CELF5: variants seen among roughly 807,000 people sequenced by gnomAD.
CELF5 encodes CUGBP Elav-like family member 5, also known as CUG-BP and ETR-3 like factor 5.
Under a neutral mutation model 54.9 loss-of-function variants are expected in CELF5, and 6 were observed. The observed-to-expected ratio is 0.11, with a 90% CI of 0.06 to 0.22. The LOEUF (loss-of-function observed/expected upper bound fraction) is 0.22, where lower values mean the gene tolerates loss of function less well. Ranked by LOEUF, CELF5 falls within the 10% of genes least tolerant of loss-of-function variation. The probability of loss-of-function intolerance (pLI) is 1.00; values close to 1 mark genes in which losing one functional copy is unlikely to be tolerated. For missense variants in CELF5, 401 were observed against 678.6 expected (o/e 0.59, Z 4.54); for synonymous variants, 271 against 290.9 (o/e 0.93, Z 0.70).
Position 3,275,152 on chromosome 19 carries a change from C to T in CELF5, c.395-704C>T, listed in dbSNP as rs2080026945. 6.6e-6 allele frequency among the ~76,000 whole-genome samples: 1 copy of T among 152,132 alleles called. No individual in the cohort carries two copies. Among genetic ancestry groups the T allele is most frequent in the African/African-American group, 2.4e-5 (1 of 41,404 alleles). On this transcript the variant is annotated intron_variant, in intron 3 of 12. Coordinates refer to ENST00000292672, the MANE Select transcript of CELF5 (RefSeq NM_021938.4). This position sits in a 1 kb window ranked among gnomAD's most constrained non-coding sequence, Gnocchi z 6.7. ...CCGTCCCTAGGAGATGAAGCCACCA[C>T]GTTCCCCATTACCAGGGAGCATGCA...
intron 1 of CELF5, among the ~76,000 whole-genome samples, chr19:3,230,847 C>T (rs1361240447): frequency 2.0e-5 from 3 of 152,182 alleles, no homozygotes; most frequent in Non-Finnish European, 4.4e-5. Flanking sequence ...GATGTGTGTT[C>T]CGATTACATT....
At chr19:3,257,677 T>A (rs1428607641) in intron 2 of CELF5, among the ~76,000 whole-genome samples, 1 of 151,916 alleles carries the variant, frequency 6.6e-6, no homozygotes, top group East Asian at 1.9e-4. Flanking sequence ...GGTTTCCCCA[T>A]GTTGGTCAGG....
chr19:3,278,163 G>T lies in CELF5; in HGVS notation c.603+53G>T, dbSNP rs1052994151. The T allele has an allele frequency of 9.7e-6, 11 of 1,135,164 alleles. No homozygotes were observed. Among genetic ancestry groups the T allele is most frequent in the East Asian group, 2.4e-5 (1 of 41,082 alleles). 70.3% of individuals were successfully genotyped at this position (1,135,164 alleles called of 1,614,324 possible). A position where few individuals can be genotyped will look rare whatever the true frequency, so the allele number is the denominator to read the frequency against. The stretch of plus-strand genomic sequence containing the variant: ...GGGTGGGGGTGGGAAAGGGGTGAGG[G>T]GGACAGGGATGAAACAGGCCATATT... On this transcript the variant is annotated intron_variant, in intron 5 of 12. Transcript: ENST00000292672. This position sits in a 1 kb window ranked among gnomAD's most constrained non-coding sequence, Gnocchi z 4.5.
At position 3,275,421 on chromosome 19, in the gene CELF5, C is replaced by T. The variant is rs932699846; in HGVS notation, c.395-435C>T. 8.5e-5 allele frequency among the ~76,000 whole-genome samples: 13 copies of T among 152,248 alleles called. No homozygotes were observed. The highest frequency in any genetic ancestry group is 3.1e-4 in the African/African-American group (13 of 41,474). ...CGGGGACCATCAGTGCCCACCTCCG[C>T]CTGGCAGGTCCGGGGAGCAGACAGA... On this transcript the variant is annotated intron_variant, in intron 3 of 12. Transcript: ENST00000292672. This position sits in a 1 kb window ranked among gnomAD's most constrained non-coding sequence, Gnocchi z 6.7.
chr19:3,290,374 G>A lies in CELF5; in HGVS notation c.1330G>A (p.Gly444Ser), dbSNP rs200876154. ...DRATNQSKCF[G>S]FVSFDNPASA... ...AGCTACCAACCAGAGCAAGTGTTTCGGTGAGTGGCCGCCGACGCCACCCCT... is the reference window on the plus strand; with the variant it reads ...AGCTACCAACCAGAGCAAGTGTTTCAGTGAGTGGCCGCCGACGCCACCCCT... Residue 444 changes from glycine to serine, a missense_variant and splice_region_variant, in exon 11 of 13, where the codon GGC becomes AGC. Coordinates refer to ENST00000292672, the MANE Select transcript of CELF5 (RefSeq NM_021938.4). 1 of 1,612,822 alleles carries A rather than the reference G, an allele frequency of 6.2e-7. No individual in the cohort carries two copies. The highest frequency in any genetic ancestry group is 8.5e-7 in the Non-Finnish European group (1 of 1,179,148).
chr19:3,241,734 T>C (rs946900314), intron 1 of CELF5, among the ~76,000 whole-genome samples: 1 of 152,120 alleles, frequency 6.6e-6, no homozygotes, highest in Non-Finnish European at 1.5e-5. Context: ...CCCTCAGCAT[T>C]TGATCCAGCC....
intron 1 of CELF5, among the ~76,000 whole-genome samples, chr19:3,226,393 A>G (rs554535106): frequency 3.4e-5 from 5 of 146,064 alleles, no homozygotes; most frequent in African/African-American, 1.3e-4. Context: ...ATCTTGAGGG[A>G]GGAAAGAAAC....
chr19:3,242,529 G>A (rs140224330), intron 1 of CELF5, among the ~76,000 whole-genome samples: 91 of 152,192 alleles, frequency 6.0e-4, no homozygotes, highest in African/African-American at 2.0e-3. Flanking sequence ...AAAAATGGCC[G>A]GGCGCAGTGA....
intron 2 of CELF5, among the ~76,000 whole-genome samples, chr19:3,259,131 G>A (rs1401162259): frequency 6.6e-6 from 1 of 152,140 alleles, no homozygotes. Flanking sequence ...GTGGAGATGG[G>A]GGTGAGTGGG....
At chr19:3,285,023 G>GCCCCCGCCCAGGGCCCCGC (rs1000727056) in intron 9 of CELF5, 59 bp downstream of exon 9, 7 of 1,268,380 alleles carry the variant, frequency 5.5e-6, no homozygotes, top group Non-Finnish European at 7.6e-6. Context: ...CTAGGGCCCC[G>GCCCCCGCCCAGGGCCCCGC]CCCCCAGGGC....
At chr19:3,241,478 T>C (rs2145021259) in intron 1 of CELF5, among the ~76,000 whole-genome samples, 1 of 152,090 alleles carries the variant, frequency 6.6e-6, no homozygotes, top group East Asian at 1.9e-4. Context: ...GACTTCCCTG[T>C]CTACCCCCTC....
At chr19:3,257,622 T>C (rs1403077579) in intron 2 of CELF5, among the ~76,000 whole-genome samples, 13 of 150,412 alleles carry the variant, frequency 8.6e-5, no homozygotes, top group Admixed American at 2.0e-4. Flanking sequence ...ATTACAGGCA[T>C]GCACCACCAT....
In CELF5 at chr19:3,281,979, C is replaced by T; in HGVS notation, c.751-147C>T. On this transcript the variant is annotated intron_variant, in intron 6 of 12. Transcript: ENST00000292672. The surrounding 1 kb of genome is among the most constrained non-coding windows in gnomAD (Gnocchi z 6.5). ...CTCTGCTCCCAGGCTGAGCCTTGAT[C>T]CCAGTCTGAGCTCCAATTCTGATCT... is the stretch of plus-strand genomic sequence containing the variant. 1.2e-6 allele frequency: 1 copy of T among 863,280 alleles called. No individual in the cohort carries two copies. Among genetic ancestry groups the T allele is most frequent in the Non-Finnish European group, 1.9e-6 (1 of 530,848 alleles). 53.5% of individuals were successfully genotyped at this position (863,280 alleles called of 1,614,324 possible). A position where few individuals can be genotyped will look rare whatever the true frequency, so the allele number is the denominator to read the frequency against.
At chr19:3,288,613 C>G (rs991282995) in intron 10 of CELF5, among the ~76,000 whole-genome samples, 14 of 152,048 alleles carry the variant, frequency 9.2e-5, no homozygotes, top group Non-Finnish European at 1.8e-4. Context: ...TTTGGCAGGG[C>G]AAGGCAGAAG....
At position 3,282,007 on chromosome 19, in the gene CELF5, G is replaced by T. The variant is rs961731523; in HGVS notation, c.751-119G>T. Reference sequence around the variant, plus strand: ...AGTCTGAGCTCCAATTCTGATCTCAGCCTGAGCCAAGATACCCAGCCTGAC... The same window carrying T: ...AGTCTGAGCTCCAATTCTGATCTCATCCTGAGCCAAGATACCCAGCCTGAC... On this transcript the variant is annotated intron_variant, in intron 6 of 12. Coordinates refer to ENST00000292672, the MANE Select transcript of CELF5 (RefSeq NM_021938.4). The surrounding 1 kb of genome is among the most constrained non-coding windows in gnomAD (Gnocchi z 5.2). 9.6e-6 allele frequency: 11 copies of T among 1,141,574 alleles called. No homozygotes were observed. Among genetic ancestry groups the T allele is most frequent in the Admixed American group, 7.1e-5 (4 of 56,454 alleles). 70.7% of individuals were successfully genotyped at this position (1,141,574 alleles called of 1,614,324 possible).
intron 1 of CELF5, among the ~76,000 whole-genome samples, chr19:3,248,828 C>T (rs572014653): frequency 1.3e-5 from 2 of 152,026 alleles, no homozygotes; most frequent in Non-Finnish European, 2.9e-5. Context: ...ATTTTACATT[C>T]CTACTACAAA....
chr19:3,290,380 T>G lies in CELF5; in HGVS notation c.1330+6T>G. The G allele has an allele frequency of 3.7e-6, 6 of 1,612,572 alleles. No individual in the cohort carries two copies. The highest frequency in any genetic ancestry group is 5.1e-6 in the Non-Finnish European group (6 of 1,178,984). On this transcript the variant is annotated splice_donor_region_variant and intron_variant, in intron 11 of 12. Transcript: ENST00000292672. ...CAACCAGAGCAAGTGTTTCGGTGAG[T>G]GGCCGCCGACGCCACCCCTCCCCAT...
intron 1 of CELF5, among the ~76,000 whole-genome samples, chr19:3,226,592 C>T (rs1916931659): frequency 6.6e-6 from 1 of 152,066 alleles, no homozygotes; most frequent in Non-Finnish European, 1.5e-5. Flanking sequence ...GCTTTTCCCA[C>T]ACGCCCCCAC....
intron 1 of CELF5, among the ~76,000 whole-genome samples, chr19:3,249,448 C>T (rs991812251): frequency 2.6e-5 from 4 of 152,132 alleles, no homozygotes; most frequent in African/African-American, 7.2e-5. Context: ...CCCCTAACGT[C>T]GCCCAATCAC....
Sources: gnomAD v4.1 joint callset for allele counts (sites outside exome capture counted in the v4.1 genomes callset) on GRCh38, gnomAD v4.1.1 for gene constraint, Gnocchi (gnomAD v3.1) non-coding constraint, MANE v1.5 for transcripts, NCBI Gene and HGNC (gene_info 2026-07-23, HGNC 2026-07-21) for gene names.